PARVG: variants seen among roughly 807,000 people sequenced by gnomAD.
The protein encoded by PARVG is gamma-parvin.
PARVG carries 36 observed loss-of-function variants against 44.4 expected under a neutral mutation model. That is an observed-to-expected ratio of 0.81 (90% confidence interval 0.62 to 1.07). PARVG has a LOEUF of 1.07. PARVG is among the 50% of genes least tolerant of loss of function. The pLI is 0.00. For synonymous variants in PARVG, 170 were observed against 174.1 expected (o/e 0.98, Z 0.19); for missense variants, 407 against 407.4 (o/e 1.00, Z 0.01).
chr22:44,199,782 C>G (rs1401929228), intron 12 of PARVG, among the ~76,000 whole-genome samples: 1 of 152,174 alleles, frequency 6.6e-6, no homozygotes, highest in African/African-American at 2.4e-5. Flanking sequence ...ATAGCATCAG[C>G]AAAGGCTCAG....
At chr22:44,196,007 A>C in intron 9 of PARVG, 148 bp from the exon 10 acceptor site, 1 of 791,714 alleles carries the variant, frequency 1.3e-6, no homozygotes, top group Non-Finnish European at 2.0e-6. Context: ...ACTCAAATCC[A>C]GGTCTGTTTT....
chr22:44,179,772 C>CGATGATTAGAGTCTCTTCAGTTGCT (rs1569175832), upstream of PARVG, among the ~76,000 whole-genome samples: 1 of 152,118 alleles, frequency 6.6e-6, no homozygotes, highest in Non-Finnish European at 1.5e-5. The surrounding 1 kb of genome is among the most constrained non-coding windows in gnomAD (Gnocchi z 4.2). Flanking sequence ...ATTCAGTTGC[C>CGATGATTAGAGTCTCTTCAGTTGCT]GATGATTAGA....
chr22:44,185,545 A>G (rs894775253), intron 3 of PARVG: 2 of 363,606 alleles, frequency 5.5e-6, no homozygotes, highest in African/African-American at 2.1e-5. Context: ...TGCCAGATAT[A>G]TCAAACATAG....
intron 12 of PARVG, among the ~76,000 whole-genome samples, chr22:44,203,245 G>A (rs1223473671): frequency 6.6e-6 from 1 of 152,194 alleles, no homozygotes; most frequent in Non-Finnish European, 1.5e-5. Context: ...GCACATAGTA[G>A]ATGACAAGTA....
chr22:44,198,937 T>TCCAC (rs1257695303), intron 12 of PARVG, among the ~76,000 whole-genome samples: 5 of 30,632 alleles, frequency 1.6e-4, no homozygotes, highest in African/African-American at 2.4e-4. Flanking sequence ...CATCCATCCA[T>TCCAC]CCACCCACCC....
In PARVG at chr22:44,185,798, C is replaced by T; in HGVS notation, c.80-10C>T. ...TCCCCATGCGCTTGTCATACCCACT[C>T]TGCTTCCAGGAGGAAAGAAGAAATA... On this transcript the variant is annotated splice_polypyrimidine_tract_variant and intron_variant, in intron 3 of 13. Coordinates refer to ENST00000444313, the MANE Select transcript of PARVG (RefSeq NM_022141.7). 1 of 1,612,440 alleles carries T rather than the reference C, an allele frequency of 6.2e-7. No homozygotes were observed. Among genetic ancestry groups the T allele is most frequent in the Non-Finnish European group, 8.5e-7 (1 of 1,178,900 alleles).
At chr22:44,196,132 G>A (rs1226892461) in intron 9 of PARVG, 23 bp from the exon 10 acceptor site, 1 of 1,613,894 alleles carries the variant, frequency 6.2e-7, no homozygotes, top group Non-Finnish European at 8.5e-7. Context: ...GTAATGAGGT[G>A]TTTATTGGAT....
At position 44,182,109 on chromosome 22, in the gene PARVG, C is replaced by T. The variant is rs2054390260; in HGVS notation, c.-13+192C>T. 1.3e-5 allele frequency among the ~76,000 whole-genome samples: 2 copies of T among 152,192 alleles called. No individual in the cohort carries two copies. Among genetic ancestry groups the T allele is most frequent in the South Asian group, 2.1e-4 (1 of 4,826 alleles). ...CTGCTCAGAGGCTGCTCGGCGTCCT[C>T]CCTCCCTGTTCTACTGAGGAGTTGC... is the stretch of plus-strand genomic sequence containing the variant. On this transcript the variant is annotated intron_variant, in intron 2 of 13. Transcript: ENST00000444313. This position sits in a 1 kb window ranked among gnomAD's most constrained non-coding sequence, Gnocchi z 4.6.
intron 12 of PARVG, among the ~76,000 whole-genome samples, chr22:44,200,233 T>A (rs924033849): frequency 3.9e-5 from 6 of 152,192 alleles, no homozygotes; most frequent in Non-Finnish European, 7.3e-5. Flanking sequence ...AGAAGGGATT[T>A]TACTACTTTC....
chr22:44,184,434 G>C (rs1053037595), intron 3 of PARVG: 4 of 152,172 alleles, frequency 2.6e-5, no homozygotes, highest in African/African-American at 9.7e-5. Context: ...TGCCTCCCAG[G>C]TTTAAGAGAT....
chr22:44,192,128 G>A lies in PARVG; in HGVS notation c.560+24G>A. 3 of 1,611,456 alleles carry A rather than the reference G, an allele frequency of 1.9e-6. No individual in the cohort carries two copies. The South Asian group carries it at 3.3e-5, about 18-fold the overall frequency. On this transcript the variant is annotated intron_variant, in intron 8 of 13. Transcript: ENST00000444313. ...AGGTGAGGGAAGGATGAGGGCCCAT[G>A]GGTGGGGCTGGGGCTCACAGCGGTG...
In PARVG at chr22:44,198,518, A is replaced by G. The variant is rs568548338; in HGVS notation, c.712-103A>G. The G allele has an allele frequency of 1.4e-4, 121 of 844,156 alleles. No homozygotes were observed. In the African/African-American group the frequency reaches 1.9e-3, roughly 13 times the overall value. The allele number at this position is 844,156 out of a possible 1,614,324, so 52.3% of individuals were successfully genotyped here. A position where few individuals can be genotyped will look rare whatever the true frequency, so the allele number is the denominator to read the frequency against. ...CTTCTCATCAAGGCACCAGAGGCTCAGAGAAGTTGTATGACTTCCTTAGGG... is the reference window on the plus strand; with the variant it reads ...CTTCTCATCAAGGCACCAGAGGCTCGGAGAAGTTGTATGACTTCCTTAGGG... On this transcript the variant is annotated intron_variant, in intron 11 of 13. Transcript: ENST00000444313.
At chr22:44,206,138 G>A (rs1378472416) in intron 13 of PARVG, among the ~76,000 whole-genome samples, 179 bp from the exon 14 acceptor site, 1 of 152,102 alleles carries the variant, frequency 6.6e-6, no homozygotes, top group Non-Finnish European at 1.5e-5. Flanking sequence ...CCAGGAGGAG[G>A]AGGCAGTCAC....
intron 1 of PARVG, among the ~76,000 whole-genome samples, chr22:44,173,993 A>G (rs2147209256): frequency 6.6e-6 from 1 of 152,332 alleles, no homozygotes. Flanking sequence ...GTTACTATTG[A>G]TGAGGATAAA....
chr22:44,173,325 C>T (rs1404803177), intron 1 of PARVG: 2 of 744,948 alleles, frequency 2.7e-6, no homozygotes, highest in Non-Finnish European at 3.7e-6. Flanking sequence ...GTCACTGGGC[C>T]TTGCATGCTG....
At chr22:44,178,974 C>A (rs543395633), upstream of PARVG, among the ~76,000 whole-genome samples, 1 of 152,212 alleles carries the variant, frequency 6.6e-6, no homozygotes, top group South Asian at 2.1e-4. Flanking sequence ...GTGATGTGAT[C>A]CCTGCAATTT....
chr22:44,199,039 C>T (rs997843640), intron 12 of PARVG, among the ~76,000 whole-genome samples: 2 of 149,404 alleles, frequency 1.3e-5, no homozygotes, highest in African/African-American at 5.0e-5. Flanking sequence ...CCTACCTGAC[C>T]GCCTATTAGC....
At chr22:44,185,982 G>A (rs987148143) in intron 4 of PARVG, 110 bp downstream of exon 4, 1 of 992,952 alleles carries the variant, frequency 1.0e-6, no homozygotes, top group Admixed American at 2.5e-5. Flanking sequence ...GCCTCAGGCT[G>A]GGGGGTGGCG....
upstream of PARVG, among the ~76,000 whole-genome samples, chr22:44,176,752 T>C (rs1191477637): frequency 6.6e-6 from 1 of 152,136 alleles, no homozygotes; most frequent in African/African-American, 2.4e-5. Flanking sequence ...CTCATGCTGC[T>C]AAAAGAGACA....
Sources: gnomAD v4.1 joint callset for allele counts (sites outside exome capture counted in the v4.1 genomes callset) on GRCh38, gnomAD v4.1.1 for gene constraint, Gnocchi (gnomAD v3.1) non-coding constraint, MANE v1.5 for transcripts, NCBI Gene and HGNC (gene_info 2026-07-23, HGNC 2026-07-21) for gene names.